Variants in EPHA5 observed in about 807,000 individuals in gnomAD.
EPHA5 encodes EPH receptor A5.
EPHA5 carries 60 observed loss-of-function variants against 105.0 expected under a neutral mutation model. The observed-to-expected ratio is 0.57, with a 90% CI of 0.46 to 0.71. The LOEUF (loss-of-function observed/expected upper bound fraction) is 0.71. EPHA5 is among the 30% of genes least tolerant of loss of function. The pLI is 0.00. For synonymous variants in EPHA5, 513 were observed against 449.1 expected, an observed-to-expected ratio of 1.14 and a Z score of -1.80; for missense variants, 1,218 against 1,274.7, an observed-to-expected ratio of 0.96 and a Z score of 0.68.
chr4:65,529,434 C>T (rs1329874777), intron 3 of EPHA5, among the ~76,000 whole-genome samples: 1 of 151,840 alleles, frequency 6.6e-6, no homozygotes, highest in African/African-American at 2.4e-5. Context: ...ATTATATGCA[C>T]ACACACAAAT....
intron 6 of EPHA5, among the ~76,000 whole-genome samples, chr4:65,417,405 A>T (rs1235143379): frequency 6.6e-6 from 1 of 152,176 alleles, no homozygotes; most frequent in Non-Finnish European, 1.5e-5. Context: ...GAAAGTCTTT[A>T]AAAAATCTTT....
At chr4:65,668,881 G>T (rs571839044) in intron 1 of EPHA5, among the ~76,000 whole-genome samples, 3 of 151,598 alleles carry the variant, frequency 2.0e-5, no homozygotes, top group African/African-American at 7.3e-5. Context: ...CCACCTTCTC[G>T]CCTTCTTCCA....
chr4:65,400,317 G>A (rs557581826), intron 8 of EPHA5, among the ~76,000 whole-genome samples: 47 of 152,268 alleles, frequency 3.1e-4, no homozygotes, highest in South Asian at 1.7e-3. Context: ...TCCATCCTAA[G>A]ATGATTAGCT....
intron 3 of EPHA5, among the ~76,000 whole-genome samples, chr4:65,596,219 G>T (rs964306915): frequency 9.9e-5 from 15 of 152,078 alleles, no homozygotes; most frequent in African/African-American, 3.6e-4. Context: ...TTGGGGAGGG[G>T]ACAAGTATTT....
At chr4:65,574,865 C>A (rs189508616) in intron 3 of EPHA5, among the ~76,000 whole-genome samples, 10 of 150,888 alleles carry the variant, frequency 6.6e-5, no homozygotes, top group Admixed American at 1.3e-4. Context: ...AACCCTGCAA[C>A]TTCAAATGGG....
rs531513803 is a variant in EPHA5, at chr4:65,500,146, A to G, written c.911-4603T>C. 2.6e-5 allele frequency among the ~76,000 whole-genome samples: 4 copies of G among 151,664 alleles called. No homozygotes were observed. In the East Asian group the frequency reaches 5.8e-4, roughly 22 times the overall value. On this transcript the variant is annotated intron_variant, in intron 3 of 16. Coordinates refer to ENST00000613740, the MANE Select transcript of EPHA5 (RefSeq NM_001281766.3). The stretch of plus-strand genomic sequence containing the variant: ...GATAAGTAGTACAATTTATTTAAAT[A>G]CCAATCCAAAATGGTTTATTAAAAA...
intron 3 of EPHA5, among the ~76,000 whole-genome samples, chr4:65,569,080 C>A (rs1739853344): frequency 6.6e-6 from 1 of 151,064 alleles, no homozygotes; most frequent in Non-Finnish European, 1.5e-5. Context: ...CATGCCATTG[C>A]AAAAAATTAT....
chr4:65,327,577 A>G (rs1392468182), intron 16 of EPHA5, among the ~76,000 whole-genome samples: 1 of 151,290 alleles, frequency 6.6e-6, no homozygotes, highest in East Asian at 1.9e-4. Context: ...AGGTGAAGAG[A>G]TTTAGAAGAT....
At chr4:65,516,162 C>T (rs1734084345) in intron 3 of EPHA5, among the ~76,000 whole-genome samples, 1 of 152,126 alleles carries the variant, frequency 6.6e-6, no homozygotes, top group Admixed American at 6.6e-5. Context: ...TAAAATCGAC[C>T]TATAACTTTT....
At chr4:65,363,864 T>G (rs1001928541) in intron 11 of EPHA5, among the ~76,000 whole-genome samples, 1 of 151,610 alleles carries the variant, frequency 6.6e-6, no homozygotes, top group South Asian at 2.1e-4. Context: ...ATTGCATCTG[T>G]GACCATATTT....
At chr4:65,636,923 A>G (rs1578651166) in intron 2 of EPHA5, among the ~76,000 whole-genome samples, 1 of 152,146 alleles carries the variant, frequency 6.6e-6, no homozygotes, top group African/African-American at 2.4e-5. Context: ...ACTGAGGGAA[A>G]TACACTAGGA....
At chr4:65,657,560 G>T (rs925748752) in intron 1 of EPHA5, among the ~76,000 whole-genome samples, 2 of 151,980 alleles carry the variant, frequency 1.3e-5, no homozygotes, top group East Asian at 1.9e-4. Flanking sequence ...GAATTAACTC[G>T]CTTTGGTTGG....
In EPHA5 at chr4:65,340,535, T is replaced by G. The variant is rs115327505; in HGVS notation, c.2596-4410A>C. On this transcript the variant is annotated intron_variant, in intron 14 of 16. Transcript: ENST00000613740. ...TGAGGAATTAGATCAGACCACCAGT[T>G]AAGCTACCATGACCTGCCAAGATCA... 4.9e-3 allele frequency among the ~76,000 whole-genome samples: 740 copies of G among 152,138 alleles called. 6 individuals are homozygous for G. The highest frequency in any genetic ancestry group is 0.017 in the African/African-American group (695 of 41,510).
intron 3 of EPHA5, among the ~76,000 whole-genome samples, chr4:65,539,068 C>T (rs989265424): frequency 6.6e-6 from 1 of 151,626 alleles, no homozygotes; most frequent in African/African-American, 2.4e-5. Flanking sequence ...AGCCTGCACC[C>T]TATCTAATAC....
At chr4:65,352,347 C>T (rs1722895706) in intron 12 of EPHA5, among the ~76,000 whole-genome samples, 1 of 151,854 alleles carries the variant, frequency 6.6e-6, no homozygotes, top group South Asian at 2.1e-4. Flanking sequence ...TTTTTCCTAC[C>T]AATGGTAATG....
intron 8 of EPHA5, among the ~76,000 whole-genome samples, chr4:65,397,200 C>A (rs1434982884): frequency 6.6e-6 from 1 of 152,182 alleles, no homozygotes; most frequent in Non-Finnish European, 1.5e-5. Flanking sequence ...GTACTTCTCC[C>A]TGGCTCTGAT....
chr4:65,636,267 A>G (rs963106279), intron 2 of EPHA5, among the ~76,000 whole-genome samples: 1 of 152,160 alleles, frequency 6.6e-6, no homozygotes, highest in Non-Finnish European at 1.5e-5. Flanking sequence ...CAGTGGATAG[A>G]ATGCAACCCA....
chr4:65,488,614 A>G (rs1731104211), intron 5 of EPHA5, among the ~76,000 whole-genome samples: 1 of 152,194 alleles, frequency 6.6e-6, no homozygotes, highest in African/African-American at 2.4e-5. Flanking sequence ...CCAGCTCTTT[A>G]GCACTTCTAT....
At chr4:65,635,087 T>A (rs1746998437) in intron 2 of EPHA5, among the ~76,000 whole-genome samples, 4 of 152,106 alleles carry the variant, frequency 2.6e-5, no homozygotes. Context: ...TAACAATGTA[T>A]TCACAGTCCA....
Sources: allele counts gnomAD v4.1 joint callset (sites outside exome capture counted in the v4.1 genomes callset), GRCh38; gene constraint gnomAD v4.1.1; transcripts MANE v1.5; gene names NCBI Gene and HGNC (gene_info 2026-07-23, HGNC 2026-07-21).